NEMP2: variants seen among roughly 807,000 people sequenced by gnomAD.
NEMP2 encodes UPF0571 transmembrane protein.
Under a neutral mutation model 54.2 loss-of-function variants are expected in NEMP2, and 53 were observed. That is an observed-to-expected ratio of 0.98 (90% CI 0.78 to 1.23). NEMP2 has a LOEUF of 1.23. NEMP2 is among the 50% of genes most tolerant of loss of function. The pLI, the probability that NEMP2 is intolerant of heterozygous loss-of-function variation, is 0.00. For synonymous variants in NEMP2, 197 were observed against 190.3 expected (o/e 1.04, Z -0.29); for missense variants, 455 against 511.3 (o/e 0.89, Z 1.06).
chr2:190,519,042 T>C lies in NEMP2; in HGVS notation c.355A>G (p.Ile119Val). 1 of 1,551,400 alleles carries C rather than the reference T, an allele frequency of 6.4e-7. No homozygotes were observed. Among genetic ancestry groups the C allele is most frequent in the African/African-American group, 1.4e-5 (1 of 73,146 alleles). Residue 119 changes from isoleucine (I) to valine (V), a missense_variant, in exon 3 of 9, where the codon ATA becomes GTA. Ile to Val is a conservative substitution (Grantham distance 29, BLOSUM62 3). Coordinates refer to ENST00000409150, the MANE Select transcript of NEMP2 (RefSeq NM_001142645.2). The surrounding 1 kb of genome is among the most constrained non-coding windows in gnomAD (Gnocchi z 5.4). ...GTCTCCCTGTATGGATTGATGATTA[T>C]GGTTATTTCGTTAGATTCCTTTGGT... ...WIPKESNEIT[I>V]IINPYRETVC... is the part of the protein sequence containing the mutation.
the NEMP2 span, among the ~76,000 whole-genome samples, chr2:190,574,640 C>T: frequency 6.6e-6 from 1 of 152,144 alleles, no homozygotes; most frequent in Non-Finnish European, 1.5e-5. Flanking sequence ...ATCACCTGAC[C>T]TGTCCCCCAA....
At chr2:190,582,089 T>C in the NEMP2 span, among the ~76,000 whole-genome samples, 2 of 152,142 alleles carry the variant, frequency 1.3e-5, no homozygotes, top group Non-Finnish European at 2.9e-5. The surrounding 1 kb of genome is among the most constrained non-coding windows in gnomAD (Gnocchi z 4.6). Flanking sequence ...AGGTGTGTTA[T>C]AATAAAAAAT....
intron 7 of NEMP2, among the ~76,000 whole-genome samples, chr2:190,511,204 A>G (rs981984650): frequency 2.0e-5 from 3 of 152,128 alleles, no homozygotes; most frequent in African/African-American, 7.2e-5. Context: ...CTTGGGCACT[A>G]ATAGAAGCAA....
At chr2:190,488,607 G>C in the NEMP2 span, 1 of 1,384,312 alleles carries the variant, frequency 7.2e-7, no homozygotes, top group Middle Eastern at 1.9e-4. The surrounding 1 kb of genome is among the most constrained non-coding windows in gnomAD (Gnocchi z 6.4). Context: ...AAACAGAGTA[G>C]CCTAAGAAAT....
chr2:190,466,647 C>G, the NEMP2 span, among the ~76,000 whole-genome samples: 1 of 152,158 alleles, frequency 6.6e-6, no homozygotes, highest in Non-Finnish European at 1.5e-5. Flanking sequence ...CACAACAAAC[C>G]TACAGAATAC....
the NEMP2 span, among the ~76,000 whole-genome samples, chr2:190,434,906 G>C: frequency 6.6e-6 from 1 of 152,134 alleles, no homozygotes; most frequent in African/African-American, 2.4e-5. The surrounding 1 kb of genome is among the most constrained non-coding windows in gnomAD (Gnocchi z 4.3). Context: ...ATTATCACAT[G>C]AGCTCTTCCT....
the NEMP2 span, among the ~76,000 whole-genome samples, chr2:190,582,789 G>C: frequency 4.6e-5 from 7 of 152,192 alleles, no homozygotes; most frequent in Non-Finnish European, 7.3e-5. This position sits in a 1 kb window ranked among gnomAD's most constrained non-coding sequence, Gnocchi z 4.6. Flanking sequence ...CAGTATGCAA[G>C]TTTTAATTCT....
At chr2:190,558,377 G>A in the NEMP2 span, among the ~76,000 whole-genome samples, 2 of 152,136 alleles carry the variant, frequency 1.3e-5, no homozygotes, top group African/African-American at 4.8e-5. This position sits in a 1 kb window ranked among gnomAD's most constrained non-coding sequence, Gnocchi z 4.4. Context: ...TGTAGATGAC[G>A]GGTTGATGGG....
At chr2:190,495,485 T>C in the NEMP2 span, among the ~76,000 whole-genome samples, 1 of 152,162 alleles carries the variant, frequency 6.6e-6, no homozygotes, top group East Asian at 1.9e-4. The surrounding 1 kb of genome is among the most constrained non-coding windows in gnomAD (Gnocchi z 4.7). Flanking sequence ...TTCACAGAAC[T>C]AGAAAAAACA....
At chr2:190,553,049 C>CT in the NEMP2 span, among the ~76,000 whole-genome samples, 2,170 of 143,058 alleles carry the variant, frequency 0.015, 17 homozygotes, top group South Asian at 0.027. Context: ...ATAACAATTT[C>CT]TTTTTTTTTT....
the NEMP2 span, among the ~76,000 whole-genome samples, chr2:190,548,733 C>G: frequency 6.6e-6 from 1 of 152,148 alleles, no homozygotes; most frequent in Non-Finnish European, 1.5e-5. Flanking sequence ...TGAAGTAAAA[C>G]AGATTTAGAA....
the NEMP2 span, among the ~76,000 whole-genome samples, chr2:190,464,609 G>A: frequency 1.2e-4 from 18 of 152,176 alleles, no homozygotes; most frequent in Non-Finnish European, 2.2e-4. Context: ...TCCTCTGCCT[G>A]TGATGCTCTT....
the NEMP2 span, among the ~76,000 whole-genome samples, chr2:190,613,120 C>T: frequency 0.21 from 32,601 of 151,990 alleles, 4,220 homozygotes; most frequent in East Asian, 0.42. Context: ...TGAAAATGAT[C>T]TGACCTAACT....
chr2:190,529,359 T>C lies in NEMP2; in HGVS notation c.98-3981A>G, dbSNP rs1330153633. 2.0e-5 allele frequency among the ~76,000 whole-genome samples: 3 copies of C among 152,158 alleles called. No homozygotes were observed. The highest frequency in any genetic ancestry group is 6.5e-5 in the Admixed American group (1 of 15,280). On this transcript the variant is annotated intron_variant, in intron 1 of 8. Transcript: ENST00000409150. This position sits in a 1 kb window ranked among gnomAD's most constrained non-coding sequence, Gnocchi z 4.7. The stretch of plus-strand genomic sequence containing the variant: ...CCCAGCCCACTGCTCCAGCCACAGC[T>C]GGCCTTCCTGTCCTCAAGATGCCAG...
chr2:190,574,624 C>T, the NEMP2 span, among the ~76,000 whole-genome samples: 42 of 152,230 alleles, frequency 2.8e-4, no homozygotes, highest in Admixed American at 5.2e-4. Flanking sequence ...ACTCCCAAAC[C>T]TTCTCATCAC....
chr2:190,640,787 ATTTTTTTTTTTTTTTTTTT>A, the NEMP2 span, among the ~76,000 whole-genome samples: 33 of 118,028 alleles, frequency 2.8e-4, no homozygotes, highest in South Asian at 2.2e-3. Flanking sequence ...AACACATTCA[ATTTTTTTTTTTTTTTTTTT>A]TTTTTTTTTT....
the NEMP2 span, among the ~76,000 whole-genome samples, chr2:190,557,306 AC>A: frequency 1.3e-5 from 2 of 152,204 alleles, no homozygotes; most frequent in African/African-American, 4.8e-5. Flanking sequence ...CCTTCCTTAC[AC>A]CTTATAAAAA....
the NEMP2 span, among the ~76,000 whole-genome samples, chr2:190,623,465 A>G: frequency 6.6e-6 from 1 of 152,230 alleles, no homozygotes; most frequent in African/African-American, 2.4e-5. Flanking sequence ...GCATAAAAAC[A>G]GACACACTGA....
At chr2:190,494,265 AT>A in the NEMP2 span, among the ~76,000 whole-genome samples, 1 of 152,156 alleles carries the variant, frequency 6.6e-6, no homozygotes, top group Non-Finnish European at 1.5e-5. The surrounding 1 kb of genome is among the most constrained non-coding windows in gnomAD (Gnocchi z 5.7). Flanking sequence ...GAGGAGATAA[AT>A]TCCTTGAAAG....
Sources: gnomAD v4.1 joint callset for allele counts (sites outside exome capture counted in the v4.1 genomes callset) on GRCh38, gnomAD v4.1.1 for gene constraint, Gnocchi (gnomAD v3.1) non-coding constraint, MANE v1.5 for transcripts, NCBI Gene and HGNC (gene_info 2026-07-23, HGNC 2026-07-21) for gene names.